Variants in DTNA observed in about 807,000 individuals in gnomAD.
DTNA encodes dystrophin-related protein 3.
Under a neutral mutation model 100.7 loss-of-function variants are expected in DTNA, and 43 were observed. The ratio of observed to expected loss-of-function variants is 0.43; its 90% CI spans 0.33 to 0.55. The LOEUF (loss-of-function observed/expected upper bound fraction) is 0.55, where lower values mean the gene tolerates loss of function less well. Ranked by LOEUF, DTNA falls within the 20% of genes least tolerant of loss-of-function variation. The pLI is 0.04. For synonymous variants in DTNA, 349 were observed against 347.9 expected (o/e 1.00, Z -0.04); for missense variants, 798 against 953.9 (o/e 0.84, Z 2.15).
intron 4 of DTNA, among the ~76,000 whole-genome samples, chr18:34,802,368 A>G (rs1053386843): frequency 6.6e-6 from 1 of 152,218 alleles, no homozygotes; most frequent in African/African-American, 2.4e-5. Context: ...CAGGACTCTG[A>G]GGAGCTTCCC....
intron 1 of DTNA, among the ~76,000 whole-genome samples, chr18:34,555,607 T>C (rs1458565481): frequency 6.6e-6 from 1 of 152,212 alleles, no homozygotes; most frequent in African/African-American, 2.4e-5. Context: ...AAGAACATCT[T>C]TATTTCTGCC....
intron 11 of DTNA, among the ~76,000 whole-genome samples, chr18:34,834,525 TTGGCTCA>T (rs2096091998): frequency 6.6e-6 from 1 of 151,970 alleles, no homozygotes; most frequent in African/African-American, 2.4e-5. Flanking sequence ...AGAGGTTTAT[TTGGCTCA>T]TGGTTCTGCA....
At chr18:34,562,936 C>G (rs1013718815) in intron 1 of DTNA, among the ~76,000 whole-genome samples, 3 of 152,142 alleles carry the variant, frequency 2.0e-5, no homozygotes, top group Non-Finnish European at 2.9e-5. Flanking sequence ...AGGTACTGTA[C>G]CTTTGGACAA....
intron 4 of DTNA, among the ~76,000 whole-genome samples, chr18:34,804,171 G>A (rs1485243366): frequency 6.6e-6 from 1 of 152,148 alleles, no homozygotes; most frequent in Admixed American, 6.5e-5. Flanking sequence ...TTGACAAATG[G>A]ATGGGAGGGT....
chr18:34,526,039 A>G (rs1379068377), intron 1 of DTNA, among the ~76,000 whole-genome samples: 7 of 152,166 alleles, frequency 4.6e-5, no homozygotes, highest in Non-Finnish European at 8.8e-5. Context: ...ACACGAAGCT[A>G]TGGTCTTTAG....
chr18:34,723,223 G>A (rs1390702955), intron 1 of DTNA, among the ~76,000 whole-genome samples: 2 of 152,108 alleles, frequency 1.3e-5, no homozygotes. Flanking sequence ...AACTGTATAA[G>A]TAATAGCTAA....
At position 34,528,479 on chromosome 18, in the gene DTNA, T is replaced by A. The variant is rs150184862; in HGVS notation, c.-2+34965T>A. Among the ~76,000 whole-genome samples, 13 of 152,128 alleles carry A rather than the reference T, an allele frequency of 8.5e-5. No individual in the cohort carries two copies. In the East Asian group the frequency reaches 2.5e-3, roughly 29 times the overall value. On this transcript the variant is annotated intron_variant, in intron 1 of 19. Transcript: ENST00000283365. ...TATTATTTTCACCTTCAGCAATGCA[T>A]ATATATATACACACACATATATTTT... is the stretch of plus-strand genomic sequence containing the variant.
rs188718220 is a variant in DTNA, at chr18:34,529,155, C to T, written c.-2+35641C>T. Among the ~76,000 whole-genome samples, 8 of 152,200 alleles carry T rather than the reference C, an allele frequency of 5.3e-5. No individual in the cohort carries two copies. In the East Asian group the frequency reaches 5.8e-4, roughly 11 times the overall value. ...CATTAAATCCAACTTGTTTGAGCAA[C>T]GGAACCCATTCTAGTGACTGCTTAT... On this transcript the variant is annotated intron_variant, in intron 1 of 19. Coordinates refer to the DTNA transcript ENST00000283365.
chr18:34,573,636 A>G (rs1336164554), intron 1 of DTNA, among the ~76,000 whole-genome samples: 2 of 152,204 alleles, frequency 1.3e-5, no homozygotes, highest in Non-Finnish European at 2.9e-5. Context: ...TGCAGTATGT[A>G]TATATTGTGG....
intron 1 of DTNA, among the ~76,000 whole-genome samples, chr18:34,636,237 C>T (rs557994424): frequency 5.9e-5 from 9 of 152,180 alleles, no homozygotes; most frequent in Admixed American, 1.3e-4. Flanking sequence ...CCTCCACCTG[C>T]GGGGTTCAAG....
chr18:34,789,010 AT>A (rs1161862406), intron 3 of DTNA, among the ~76,000 whole-genome samples: 2 of 152,130 alleles, frequency 1.3e-5, no homozygotes, highest in African/African-American at 2.4e-5. Context: ...TCGTTTCCTC[AT>A]TTTAAAAAAG....
intron 1 of DTNA, among the ~76,000 whole-genome samples, chr18:34,684,366 T>C (rs1411700031): frequency 6.6e-6 from 1 of 152,156 alleles, no homozygotes. Flanking sequence ...TTCTCATTGT[T>C]CAACTCTCAC....
rs79710366 is a variant in DTNA, at chr18:34,701,219, C to G, written c.-1-54757C>G. Reference sequence around the variant, plus strand: ...AAAAAGTTGTCTACACAGGCTGACTCCACTTCCTTGACCTCTATCCTTCTC... The same window carrying G: ...AAAAAGTTGTCTACACAGGCTGACTGCACTTCCTTGACCTCTATCCTTCTC... On this transcript the variant is annotated intron_variant, in intron 1 of 19. Coordinates refer to the DTNA transcript ENST00000283365. Among the ~76,000 whole-genome samples, 1,163 of 152,290 alleles carry G rather than the reference C, an allele frequency of 7.6e-3. 14 individuals are homozygous for G. Among genetic ancestry groups the G allele is most frequent in the African/African-American group, 0.027 (1,106 of 41,552 alleles).
At chr18:34,649,338 C>T (rs2060191914) in intron 1 of DTNA, among the ~76,000 whole-genome samples, 1 of 152,154 alleles carries the variant, frequency 6.6e-6, no homozygotes, top group African/African-American at 2.4e-5. Context: ...AAAACGGCTG[C>T]TATTGCACAA....
rs1330749098 is a variant in DTNA, at chr18:34,522,787, C to T, written c.-2+29273C>T. Among the ~76,000 whole-genome samples the T allele has an allele frequency of 2.0e-5, 3 of 152,184 alleles. No homozygotes were observed. The East Asian group carries it at 5.8e-4, about 29-fold the overall frequency. ...ACACACAGACCCCTAAGAAGGCTGG[C>T]CGCTCTGCTGAAGTAAGATGGACCA... On this transcript the variant is annotated intron_variant, in intron 1 of 19. Coordinates refer to the DTNA transcript ENST00000283365.
At chr18:34,662,835 T>C (rs2075378203) in intron 1 of DTNA, 1 of 152,216 alleles carries the variant, frequency 6.6e-6, no homozygotes, top group Non-Finnish European at 1.5e-5. Flanking sequence ...ACAACCTTAA[T>C]ATATGCCCTT....
intron 1 of DTNA, among the ~76,000 whole-genome samples, chr18:34,509,097 C>T: frequency 6.6e-6 from 1 of 151,966 alleles, no homozygotes; most frequent in East Asian, 1.9e-4. Context: ...ATGGTTGTGC[C>T]TCTGCAGTGT....
At chr18:34,783,083 A>G (rs2094393275) in intron 3 of DTNA, among the ~76,000 whole-genome samples, 1 of 152,216 alleles carries the variant, frequency 6.6e-6, no homozygotes, top group Non-Finnish European at 1.5e-5. Flanking sequence ...AAAGTTAAAC[A>G]CTGGCAATGA....
At chr18:34,879,440 C>T (rs969819581) in intron 19 of DTNA, 111 bp from the exon 20 acceptor site, 1 of 1,029,312 alleles carries the variant, frequency 9.7e-7, no homozygotes, top group African/African-American at 1.6e-5. Flanking sequence ...AATATGATAA[C>T]TGGTTAACAT....
Sources: allele counts gnomAD v4.1 joint callset (sites outside exome capture counted in the v4.1 genomes callset), GRCh38; gene constraint gnomAD v4.1.1; transcripts MANE v1.5; gene names NCBI Gene and HGNC (gene_info 2026-07-23, HGNC 2026-07-21).